Variants in USP5 observed in about 807,000 individuals in gnomAD.
USP5 encodes ubiquitin specific peptidase 5.
A neutral mutation model predicts 102.5 loss-of-function variants in USP5; 24 were observed. The observed-to-expected ratio is 0.23, with a 90% confidence interval of 0.17 to 0.33. The LOEUF (loss-of-function observed/expected upper bound fraction) is 0.33. Among genes scored for constraint, USP5 ranks in the 10% least tolerant of loss-of-function variants. The probability of loss-of-function intolerance (pLI) is 1.00; values close to 1 mark genes in which losing one functional copy is unlikely to be tolerated. For missense variants in USP5, 753 were observed against 1,122.1 expected (o/e 0.67, Z 4.70); for synonymous variants, 460 against 434.8 (o/e 1.06, Z -0.72).
Position 6,858,306 on chromosome 12 carries a change from C to G in USP5, c.865-118C>G, listed in dbSNP as rs933186533. The G allele has an allele frequency of 2.5e-5, 27 of 1,076,530 alleles. No individual in the cohort carries two copies. Among genetic ancestry groups the G allele is most frequent in the Non-Finnish European group, 2.3e-5 (17 of 755,298 alleles). The allele number at this position is 1,076,530 out of a possible 1,614,324, so 66.7% of individuals were successfully genotyped here. ...CTCAACATACCTCCCATGTTTGAGCCTGTAATTCCACAAATTCTAGGCCAC... is the reference window on the plus strand; with the variant it reads ...CTCAACATACCTCCCATGTTTGAGCGTGTAATTCCACAAATTCTAGGCCAC... On this transcript the variant is annotated intron_variant, in intron 7 of 19. Transcript: ENST00000229268. This position sits in a 1 kb window ranked among gnomAD's most constrained non-coding sequence, Gnocchi z 4.2.
At position 6,861,790 on chromosome 12, in the gene USP5, C is replaced by T. The variant is rs868973203; in HGVS notation, c.1673+173C>T. Among the ~76,000 whole-genome samples the T allele has an allele frequency of 1.9e-4, 29 of 152,214 alleles. No homozygotes were observed. Among genetic ancestry groups the T allele is most frequent in the Admixed American group, 1.6e-3 (24 of 15,284 alleles). On this transcript the variant is annotated intron_variant, in intron 13 of 19. Coordinates refer to ENST00000229268, the MANE Select transcript of USP5 (RefSeq NM_001098536.2). The surrounding 1 kb of genome is among the most constrained non-coding windows in gnomAD (Gnocchi z 4.9). ...CCAAGGGGCCCTGGTAGGGGGGACA[C>T]GGGTACTGACTCTATCTGTCACCTT...
At chr12:6,857,194 T>A (rs1322376496) in intron 6 of USP5, among the ~76,000 whole-genome samples, 1 of 152,148 alleles carries the variant, frequency 6.6e-6, no homozygotes, top group East Asian at 1.9e-4. Context: ...CTCAGGAGGC[T>A]GAGGCAGGAG....
rs966697440 is a variant in USP5 at position 6,863,021 on chromosome 12, G to T, written c.1763-165G>T. On this transcript the variant is annotated intron_variant, in intron 14 of 19. Transcript: ENST00000229268. The surrounding 1 kb of genome is among the most constrained non-coding windows in gnomAD (Gnocchi z 4.7). The stretch of plus-strand genomic sequence containing the variant: ...CAGCATCCTGGCCTCCCAACTCCCA[G>T]GCTTAGTATTATTTGTCTTATACTG... 4.8e-5 allele frequency: 31 copies of T among 642,332 alleles called. No homozygotes were observed. The highest frequency in any genetic ancestry group is 7.7e-5 in the Non-Finnish European group (30 of 392,010). 39.8% of individuals were successfully genotyped at this position (642,332 alleles called of 1,614,324 possible).
intron 8 of USP5, among the ~76,000 whole-genome samples, chr12:6,859,116 G>A (rs1233341212): frequency 6.6e-6 from 1 of 152,164 alleles, no homozygotes; most frequent in Non-Finnish European, 1.5e-5. Context: ...TAAGAATAAA[G>A]GCAGGTTCTC....
rs139290006 is a variant in USP5, at chr12:6,863,411, C to G, written c.1954+34C>G. The G allele has an allele frequency of 6.3e-7, 1 of 1,596,556 alleles. No homozygotes were observed. On this transcript the variant is annotated intron_variant, in intron 15 of 19. Coordinates refer to ENST00000229268, the MANE Select transcript of USP5 (RefSeq NM_001098536.2). This position sits in a 1 kb window ranked among gnomAD's most constrained non-coding sequence, Gnocchi z 4.7. ...CTCTTCTTCCTGCCTGTCTCTCTCCCGTGCTGATGGGGGCCTCTCTGCCTT... is the reference window on the plus strand; with the variant it reads ...CTCTTCTTCCTGCCTGTCTCTCTCCGGTGCTGATGGGGGCCTCTCTGCCTT...
At chr12:6,862,427 C>T in intron 13 of USP5, 43 bp from the exon 14 acceptor site, 1 of 1,574,548 alleles carries the variant, frequency 6.4e-7, no homozygotes, top group Non-Finnish European at 8.7e-7. Flanking sequence ...GAGAGGAAAA[C>T]CCTGGGGATT....
intron 6 of USP5, chr12:6,857,357 T>A: frequency 2.4e-6 from 1 of 421,134 alleles, no homozygotes; most frequent in African/African-American, 2.0e-5. Context: ...CCTCATCCCT[T>A]TCCTACCAAG....
chr12:6,864,165 G>T lies in USP5; in HGVS notation c.2214G>T (p.Arg738=), dbSNP rs782788585. The T allele has an allele frequency of 6.2e-7, 1 of 1,612,780 alleles. No individual in the cohort carries two copies. Among genetic ancestry groups the T allele is most frequent in the Non-Finnish European group, 8.5e-7 (1 of 1,179,320 alleles). ...CCATTGTCTCCATGGGCTTCTCCCG[G>T]GACCAGGCCTTGAAAGCGCTGCGGG... The part of the protein sequence containing the change: ...VTTIVSMGFS[R]DQALKALRAT... The change falls in exon 17 of 20, where the codon CGG becomes CGT. Residue 738 remains arginine, a synonymous_variant. Transcript: ENST00000229268. This position sits in a 1 kb window ranked among gnomAD's most constrained non-coding sequence, Gnocchi z 4.8.
chr12:6,856,954 G>A lies in USP5; in HGVS notation c.769+63G>A, dbSNP rs1218196060. The A allele has an allele frequency of 1.3e-5, 20 of 1,564,112 alleles. No homozygotes were observed. Among genetic ancestry groups the A allele is most frequent in the South Asian group, 9.3e-5 (8 of 86,280 alleles). On this transcript the variant is annotated intron_variant, in intron 6 of 19. Transcript: ENST00000229268. The surrounding 1 kb of genome is among the most constrained non-coding windows in gnomAD (Gnocchi z 5.6). ...ATATATTTCATTTGTTAGTAATTTCGTGTGACATGTATAATACATGAATGC... is the reference window on the plus strand; with the variant it reads ...ATATATTTCATTTGTTAGTAATTTCATGTGACATGTATAATACATGAATGC...
Position 6,866,242 on chromosome 12 carries a change from G to A in USP5, c.*165G>A. On this transcript the variant is annotated 3_prime_UTR_variant, in exon 20 of 20. Transcript: ENST00000229268. The surrounding 1 kb of genome is among the most constrained non-coding windows in gnomAD (Gnocchi z 4.7). ...CGTGGGAGAATGGCTGGGCAGAGCA[G>A]AGGGGCAGCGATAGACTCTGGGGAT... The A allele has an allele frequency of 1.6e-6, 1 of 639,996 alleles. No homozygotes were observed. The highest frequency in any genetic ancestry group is 2.7e-6 in the Non-Finnish European group (1 of 369,422). 39.6% of individuals were successfully genotyped at this position (639,996 alleles called of 1,614,324 possible). A position where few individuals can be genotyped will look rare whatever the true frequency, so the allele number is the denominator to read the frequency against.
At chr12:6,862,838 G>T (rs782465233) in intron 14 of USP5, among the ~76,000 whole-genome samples, 1 of 152,064 alleles carries the variant, frequency 6.6e-6, no homozygotes, top group South Asian at 2.1e-4. Flanking sequence ...ATTAATTCTC[G>T]TGAGTCTTAC....
At chr12:6,852,714 T>G (rs1008571341) in intron 1 of USP5, among the ~76,000 whole-genome samples, 6 of 151,960 alleles carry the variant, frequency 3.9e-5, no homozygotes, top group East Asian at 3.9e-4. Flanking sequence ...CGGCCGGGGT[T>G]GGAGTTGGGG....
chr12:6,862,955 C>T (rs1232331526), intron 14 of USP5, among the ~76,000 whole-genome samples: 1 of 152,136 alleles, frequency 6.6e-6, no homozygotes, highest in Admixed American at 6.5e-5. Context: ...AGTTCTAGGC[C>T]CCCTGCCCTG....
At position 6,863,253 on chromosome 12, in the gene USP5, A is replaced by C. The variant is rs782120795; in HGVS notation, c.1830A>C (p.Gly610=). ...TGAGGGGCACAGGGCTGCAGCCCGG[A>C]GAGGAGGAGCTGCCAGACATTGCCC... The part of the protein sequence containing the change: ...SQLRGTGLQP[G]EEELPDIAPP... Residue 610 remains glycine, a synonymous_variant, in exon 15 of 20, where the codon GGA becomes GGC. Transcript: ENST00000229268. The surrounding 1 kb of genome is among the most constrained non-coding windows in gnomAD (Gnocchi z 4.7). The C allele has an allele frequency of 1.9e-6, 3 of 1,614,004 alleles. No homozygotes were observed. Among genetic ancestry groups the C allele is most frequent in the Non-Finnish European group, 2.5e-6 (3 of 1,180,026 alleles).
At position 6,856,149 on chromosome 12, in the gene USP5, G is replaced by A; in HGVS notation, c.437G>A (p.Arg146Gln). 1 of 1,614,056 alleles carries A rather than the reference G, an allele frequency of 6.2e-7. No homozygotes were observed. The highest frequency in any genetic ancestry group is 8.5e-7 in the Non-Finnish European group (1 of 1,180,002). Residue 146 changes from arginine to glutamine, a missense_variant and splice_region_variant, in exon 4 of 20, where the codon CGG (arginine) becomes CAG (glutamine). Around this residue, in one of 3 missense-constraint regions of USP5, gnomAD observed 527 missense variants for 816.5 expected, o/e 0.65. Coordinates refer to ENST00000229268, the MANE Select transcript of USP5 (RefSeq NM_001098536.2). The surrounding 1 kb of genome is among the most constrained non-coding windows in gnomAD (Gnocchi z 5.6). The part of the protein sequence containing the change: ...LGGLPDIVRD[R>Q]VTSAVEALLS... ...GGACTGCCTGACATTGTCAGAGATC[G>A]GGTATGACTGCCCCCTATGCTACCC...
rs575283838 is a variant in USP5, at chr12:6,866,413, C to T, written c.*336C>T. The T allele has an allele frequency of 1.0e-5, 3 of 289,964 alleles. No individual in the cohort carries two copies. The highest frequency in any genetic ancestry group is 6.5e-5 in the East Asian group (1 of 15,284). The allele number at this position is 289,964 out of a possible 1,614,324, so 18.0% of individuals were successfully genotyped here. On this transcript the variant is annotated 3_prime_UTR_variant, in exon 20 of 20. Transcript: ENST00000229268. The surrounding 1 kb of genome is among the most constrained non-coding windows in gnomAD (Gnocchi z 4.7). The stretch of plus-strand genomic sequence containing the variant: ...TGGAGGGAGGGGTCTCGTTTGTGCG[C>T]GTGGGTGTAGCTTTGTGCATCCTCT...
rs781828887 is a variant in USP5 at position 6,859,559 on chromosome 12, A to C, written c.1130+18A>C. On this transcript the variant is annotated intron_variant, in intron 9 of 19. Transcript: ENST00000229268. ...ACCCAGGTGTATGTAACCAGGTCCT[A>C]TGTAGGAAAGCTGTTGACAGTCATG... The C allele has an allele frequency of 6.2e-7, 1 of 1,613,532 alleles. No individual in the cohort carries two copies. The highest frequency in any genetic ancestry group is 1.3e-5 in the African/African-American group (1 of 74,906).
At chr12:6,852,367 C>A in intron 1 of USP5, 77 bp downstream of exon 1, 1 of 1,412,418 alleles carries the variant, frequency 7.1e-7, no homozygotes, top group Non-Finnish European at 9.7e-7. Context: ...GCCTGCAAGG[C>A]TTGGGCTACC....
chr12:6,857,393 T>C (rs73260825), intron 6 of USP5: 10,199 of 506,880 alleles, frequency 0.02, 622 homozygotes, highest in African/African-American at 0.15. Context: ...CCTATACAGG[T>C]AGAATCAGAA....
Sources: allele counts gnomAD v4.1 joint callset (sites outside exome capture counted in the v4.1 genomes callset), GRCh38; gene constraint gnomAD v4.1.1; regional missense constraint gnomAD v4.1.1; non-coding constraint Gnocchi (gnomAD v3.1); transcripts MANE v1.5; gene names NCBI Gene and HGNC (gene_info 2026-07-23, HGNC 2026-07-21).